NEK11: variants seen among roughly 807,000 people sequenced by gnomAD.
NEK11 encodes serine/threonine-protein kinase Nek11.
NEK11 carries 72 observed loss-of-function variants against 80.7 expected under a neutral mutation model. That is an observed-to-expected ratio of 0.89 (90% confidence interval 0.74 to 1.08). NEK11 has a LOEUF of 1.08. Ranked by LOEUF, NEK11 falls within the 50% of genes least tolerant of loss-of-function variation. NEK11 has a pLI of 0.00. For synonymous variants in NEK11, 251 were observed against 260.7 expected (o/e 0.96, Z 0.36); for missense variants, 764 against 763.6 (o/e 1.00, Z -0.01).
intron 3 of NEK11, 82 bp downstream of exon 3, chr3:131,029,960 C>T: frequency 7.5e-7 from 1 of 1,339,840 alleles, no homozygotes; most frequent in East Asian, 2.3e-5. Flanking sequence ...ATGGAGCAGG[C>T]CAGGTATGGT....
chr3:131,249,440 CT>C (rs1477917267), intron 16 of NEK11, among the ~76,000 whole-genome samples: 4 of 152,080 alleles, frequency 2.6e-5, no homozygotes, highest in African/African-American at 9.7e-5. Context: ...CCCCAGGTGC[CT>C]TTCTCTCCAC....
chr3:131,278,495 T>C (rs1439924289), intron 17 of NEK11, among the ~76,000 whole-genome samples: 1 of 152,182 alleles, frequency 6.6e-6, no homozygotes, highest in African/African-American at 2.4e-5. Context: ...GGCTCCATGG[T>C]CCTCCTGAAA....
chr3:131,208,947 AC>A (rs1156258747), intron 14 of NEK11, among the ~76,000 whole-genome samples: 23 of 152,264 alleles, frequency 1.5e-4, no homozygotes, highest in African/African-American at 5.3e-4. Context: ...CTAATTGAAT[AC>A]CCTTTATTTC....
rs1578868963 is a variant in NEK11, at chr3:131,134,995, A to C, written c.647+1039A>C. On this transcript the variant is annotated intron_variant, in intron 7 of 17. Coordinates refer to ENST00000383366, the MANE Select transcript of NEK11 (RefSeq NM_024800.5). ...TTAAGTAAATAATTACTGTATGCAA[A>C]TCAACATAAATAGTTCTGAGCTTTC... 2.6e-5 allele frequency among the ~76,000 whole-genome samples: 4 copies of C among 152,340 alleles called. No homozygotes were observed. The South Asian group carries it at 8.3e-4, about 32-fold the overall frequency.
intron 5 of NEK11, among the ~76,000 whole-genome samples, chr3:131,126,557 T>C (rs2083374621): frequency 6.6e-6 from 1 of 152,236 alleles, no homozygotes; most frequent in Admixed American, 6.5e-5. Flanking sequence ...CTGTTATTGA[T>C]GTTAAGTCAC....
intron 17 of NEK11, among the ~76,000 whole-genome samples, chr3:131,290,237 G>A (rs2096529725): frequency 6.6e-6 from 1 of 152,216 alleles, no homozygotes; most frequent in South Asian, 2.1e-4. Context: ...GGCAGCATGG[G>A]TAGGAAACTG....
At chr3:131,128,243 A>G (rs1467363841) in intron 5 of NEK11, among the ~76,000 whole-genome samples, 1 of 152,182 alleles carries the variant, frequency 6.6e-6, no homozygotes, top group Non-Finnish European at 1.5e-5. Flanking sequence ...CACATGTATG[A>G]CATGTACCCA....
chr3:131,210,711 C>A (rs2150515635), intron 14 of NEK11, among the ~76,000 whole-genome samples: 1 of 152,270 alleles, frequency 6.6e-6, no homozygotes, highest in Admixed American at 6.5e-5. Flanking sequence ...TGAATTGATC[C>A]ATTTACCATT....
intron 3 of NEK11, among the ~76,000 whole-genome samples, chr3:131,044,453 G>A (rs1312732566): frequency 8.0e-5 from 12 of 149,382 alleles, no homozygotes; most frequent in African/African-American, 2.7e-4. Flanking sequence ...AGGTGGGGGG[G>A]GGGGTTGGAA....
At chr3:131,215,300 C>T (rs1296474636) in intron 14 of NEK11, among the ~76,000 whole-genome samples, 1 of 150,778 alleles carries the variant, frequency 6.6e-6, no homozygotes, top group Non-Finnish European at 1.5e-5. Flanking sequence ...GAAGGGATAG[C>T]ATTAGGAGAT....
At chr3:131,325,703 T>C (rs2096956247) in intron 17 of NEK11, 1 of 152,214 alleles carries the variant, frequency 6.6e-6, no homozygotes, top group South Asian at 2.1e-4. Context: ...TGAAATCTTC[T>C]TACTACCTGT....
chr3:131,192,676 C>G (rs1373566234), intron 14 of NEK11, among the ~76,000 whole-genome samples: 1 of 152,076 alleles, frequency 6.6e-6, no homozygotes, highest in African/African-American at 2.4e-5. Context: ...ATGCAATAAG[C>G]CAGACACAAG....
intron 7 of NEK11, among the ~76,000 whole-genome samples, chr3:131,149,435 A>G (rs2149783357): frequency 6.6e-6 from 1 of 152,134 alleles, no homozygotes. Flanking sequence ...GAACATATGC[A>G]TGCATGTGTC....
chr3:131,263,466 G>A lies in NEK11; in HGVS notation c.1622-10012G>A, dbSNP rs562721412. 9.9e-5 allele frequency among the ~76,000 whole-genome samples: 15 copies of A among 152,250 alleles called. No homozygotes were observed. In the East Asian group the frequency reaches 1.4e-3, roughly 14 times the overall value. The stretch of plus-strand genomic sequence containing the variant: ...CAAGTACCATGCTGTTTTGGTTACC[G>A]TAGCCTTGTAGTATAGTTTGAAGTC... On this transcript the variant is annotated intron_variant, in intron 16 of 17. Transcript: ENST00000383366.
At chr3:131,065,185 GTCTT>G (rs2071684455) in intron 3 of NEK11, among the ~76,000 whole-genome samples, 1 of 152,136 alleles carries the variant, frequency 6.6e-6, no homozygotes, top group Non-Finnish European at 1.5e-5. Flanking sequence ...TTATATCTCA[GTCTT>G]TCCACTTACT....
At chr3:131,297,316 A>G (rs1472034704) in intron 17 of NEK11, among the ~76,000 whole-genome samples, 3 of 152,134 alleles carry the variant, frequency 2.0e-5, no homozygotes, top group Non-Finnish European at 4.4e-5. Flanking sequence ...AATCCTCTCC[A>G]GCATCTGTTG....
intron 14 of NEK11, among the ~76,000 whole-genome samples, chr3:131,213,103 A>G (rs561099896): frequency 2.7e-3 from 412 of 152,186 alleles, no homozygotes; most frequent in Non-Finnish European, 4.9e-3. Flanking sequence ...CCCTACCCTC[A>G]TGGCCTACCT....
At chr3:131,116,732 A>G (rs889914235) in intron 5 of NEK11, among the ~76,000 whole-genome samples, 3 of 152,242 alleles carry the variant, frequency 2.0e-5, no homozygotes, top group African/African-American at 7.2e-5. Flanking sequence ...GCCAGTGATG[A>G]TGAGCATTTT....
In NEK11 at chr3:131,215,189, C is replaced by T. The variant is rs4974470; in HGVS notation, c.1400-13339C>T. Among the ~76,000 whole-genome samples, 650 of 149,476 alleles carry T rather than the reference C, an allele frequency of 4.3e-3. 3 individuals carry two copies. Among genetic ancestry groups the T allele is most frequent in the African/African-American group, 9.9e-3 (402 of 40,764 alleles). On this transcript the variant is annotated intron_variant, in intron 14 of 17. Transcript: ENST00000383366. ...TATACAAGGACAAAAAACCAAACAC[C>T]GCATGTTCTCACTCATAGGTGGGAA...
Sources: allele counts gnomAD v4.1 joint callset (sites outside exome capture counted in the v4.1 genomes callset), GRCh38; gene constraint gnomAD v4.1.1; transcripts MANE v1.5; gene names NCBI Gene and HGNC (gene_info 2026-07-23, HGNC 2026-07-21).